Variants in FYCO1 observed in about 807,000 individuals in gnomAD.
FYCO1 encodes the protein FYVE and coiled-coil domain autophagy adaptor 1, also known as FYVE and coiled-coil domain-containing protein 1.
In FYCO1, 122 loss-of-function variants were observed where a neutral mutation model predicts 165.1. The observed-to-expected ratio is 0.74, with a 90% confidence interval of 0.64 to 0.86. The LOEUF (loss-of-function observed/expected upper bound fraction) is 0.86, where lower values mean the gene tolerates loss of function less well. Among genes scored for constraint, FYCO1 ranks in the 40% least tolerant of loss-of-function variants. The pLI is 0.00. For missense variants in FYCO1, 1,702 were observed against 1,810.3 expected, an observed-to-expected ratio of 0.94 and a Z score of 1.09; for synonymous variants, 648 against 742.5, an observed-to-expected ratio of 0.87 and a Z score of 2.07.
Position 45,958,485 on chromosome 3 carries a change from C to G in FYCO1, c.3722G>C (p.Gly1241Ala). Residue 1241 changes from glycine (G) to alanine (A), a missense_variant, in exon 13 of 18, where the codon GGC becomes GCC. Transcript: ENST00000296137. ...SEGPGSPDSS[G>A]SGTSQGEPSP... is the part of the protein sequence containing the mutation. ...GGGCTCTCCCTGGCTAGTGCCTGAG[C>G]CACTGCTATCAGGGGAGCCAGGGCC... 1 of 1,613,982 alleles carries G rather than the reference C, an allele frequency of 6.2e-7. No individual in the cohort carries two copies. The highest frequency in any genetic ancestry group is 8.5e-7 in the Non-Finnish European group (1 of 1,180,030).
Position 45,921,802 on chromosome 3 carries a change from T to A in FYCO1, c.4400A>T (p.Asp1467Val). The A allele has an allele frequency of 6.2e-7, 1 of 1,613,174 alleles. No homozygotes were observed. The highest frequency in any genetic ancestry group is 8.5e-7 in the Non-Finnish European group (1 of 1,179,124). Residue 1467 changes from aspartate (D) to valine (V), a missense_variant, in exon 18 of 18, where the codon GAT (aspartate) becomes GTT (valine). Asp to Val is a radical substitution (Grantham distance 152, BLOSUM62 -3). Coordinates refer to ENST00000296137, the MANE Select transcript of FYCO1 (RefSeq NM_024513.4). ...SKKVFYHLTV[D>V]RPVIYDGSDF... ...ACTTCCATCGTAGATCACAGGCCGA[T>A]CAACCGTCAAGTGATAAAATACCTT...
chr3:45,977,040 G>A (rs1706795367), intron 4 of FYCO1, among the ~76,000 whole-genome samples: 1 of 152,102 alleles, frequency 6.6e-6, no homozygotes, highest in African/African-American at 2.4e-5. Flanking sequence ...GGTATATCCT[G>A]TCTAAATCAG....
chr3:45,970,316 A>C lies in FYCO1; in HGVS notation c.540-551T>G, dbSNP rs1039701211. Among the ~76,000 whole-genome samples the C allele has an allele frequency of 7.9e-5, 12 of 152,364 alleles. No homozygotes were observed. In the East Asian group the frequency reaches 1.5e-3, roughly 20 times the overall value. On this transcript the variant is annotated intron_variant, in intron 6 of 17. Coordinates refer to ENST00000296137, the MANE Select transcript of FYCO1 (RefSeq NM_024513.4). ...CTCTCGTTTAGCAGGAACACTGGAA[A>C]CGAAACACATTTTTACTTCATCAGA...
In FYCO1 at chr3:45,967,182, G is replaced by A; in HGVS notation, c.2152C>T (p.Gln718Ter). The change falls in exon 8 of 18, where the codon CAG becomes TAG. Residue 718 changes from glutamine (Q) to a stop codon, truncating the protein, a stop_gained. Transcript: ENST00000296137. LOFTEE classifies it high-confidence loss of function. ...CGGGCTTCTGCCAGTTGCTGGCACT[G>A]CTCCACCTCCTCCCGCAGCTGCTGA... is the stretch of plus-strand genomic sequence containing the variant. ...ECQQLREEVE[Q>*]CQQLAEARHR... 6.2e-7 allele frequency: 1 copy of A among 1,613,752 alleles called. No individual in the cohort carries two copies.
chr3:45,965,292 T>G (rs1281655804), intron 8 of FYCO1, among the ~76,000 whole-genome samples, 167 bp from the exon 9 acceptor site: 1 of 152,258 alleles, frequency 6.6e-6, no homozygotes, highest in African/African-American at 2.4e-5. Context: ...CTTTCAAGCT[T>G]ACTAAGAAAA....
chr3:45,967,360 G>A lies in FYCO1; in HGVS notation c.1974C>T (p.Gly658=). 1 of 1,609,576 alleles carries A rather than the reference G, an allele frequency of 6.2e-7. No homozygotes were observed. The highest frequency in any genetic ancestry group is 8.5e-7 in the Non-Finnish European group (1 of 1,177,032). The change falls in exon 8 of 18, where the codon GGC becomes GGT. Residue 658 remains glycine (G), a synonymous_variant. Coordinates refer to ENST00000296137, the MANE Select transcript of FYCO1 (RefSeq NM_024513.4). ...GCTCGGCCTCCAGGGAGGCCAAGGA[G>A]CCCTGGATGGCTGATTCCCGCTGCT... ...ALQQRESAIQ[G]SLASLEAEQA... is the part of the protein sequence containing the mutation.
intron 14 of FYCO1, chr3:45,948,121 G>A (rs1411840722): frequency 1.2e-5 from 2 of 167,344 alleles, no homozygotes; most frequent in Admixed American, 6.5e-5. Context: ...AATTCCAGTG[G>A]TCCATGGAAT....
rs1703055799 is a variant in FYCO1, at chr3:45,920,556, A to T, written c.*1209T>A. The T allele has an allele frequency of 6.6e-6, 1 of 152,384 alleles. No homozygotes were observed. Among genetic ancestry groups the T allele is most frequent in the South Asian group, 2.1e-4 (1 of 4,786 alleles). 9.4% of individuals were successfully genotyped at this position (152,384 alleles called of 1,614,324 possible). ...TTGGGGAAGAAAAGGACCACAGAGA[A>T]CAGGGAAGATTAAATAATTCTTGTC... On this transcript the variant is annotated 3_prime_UTR_variant, in exon 18 of 18. Coordinates refer to ENST00000296137, the MANE Select transcript of FYCO1 (RefSeq NM_024513.4).
At chr3:45,928,985 AATC>A (rs1703460694) in intron 16 of FYCO1, among the ~76,000 whole-genome samples, 1 of 152,232 alleles carries the variant, frequency 6.6e-6, no homozygotes, top group African/African-American at 2.4e-5. Flanking sequence ...ATACCTCCGT[AATC>A]ATGAAGTCTG....
chr3:45,992,011 G>A (rs750765552), intron 1 of FYCO1, among the ~76,000 whole-genome samples: 1 of 152,204 alleles, frequency 6.6e-6, no homozygotes, highest in Non-Finnish European at 1.5e-5. Flanking sequence ...GCAAGAAGGC[G>A]GCTGTCTGAG....
intron 11 of FYCO1, among the ~76,000 whole-genome samples, chr3:45,961,877 C>A (rs143328612): frequency 2.5e-4 from 38 of 152,332 alleles, no homozygotes; most frequent in African/African-American, 8.7e-4. Context: ...AAAATCAGGA[C>A]ACTTCACATT....
Position 45,962,347 on chromosome 3 carries a change from A to G in FYCO1, c.3315T>C (p.Tyr1105=). 1 of 1,614,070 alleles carries G rather than the reference A, an allele frequency of 6.2e-7. No individual in the cohort carries two copies. Among genetic ancestry groups the G allele is most frequent in the Non-Finnish European group, 8.5e-7 (1 of 1,180,016 alleles). The change falls in exon 11 of 18, where the codon TAT becomes TAC. Residue 1105 remains tyrosine, a synonymous_variant. Coordinates refer to ENST00000296137, the MANE Select transcript of FYCO1 (RefSeq NM_024513.4). The surrounding 1 kb of genome is among the most constrained non-coding windows in gnomAD (Gnocchi z 4.4). ...LEKATTKIQE[Y]YNKLCQEVTN... ...TCACCTCCTGGCAGAGTTTGTTGTA[A>G]TACTCTTGGATTTTTGTTGTGGCTT... is the stretch of plus-strand genomic sequence containing the variant.
At chr3:45,960,366 G>T (rs1182276405) in intron 11 of FYCO1, among the ~76,000 whole-genome samples, 1 of 152,184 alleles carries the variant, frequency 6.6e-6, no homozygotes, top group Admixed American at 6.5e-5. Context: ...CACTGACCAG[G>T]AACTCCCAAT....
chr3:45,936,900 G>C (rs963479175), intron 14 of FYCO1, among the ~76,000 whole-genome samples: 1 of 152,186 alleles, frequency 6.6e-6, no homozygotes, highest in African/African-American at 2.4e-5. Context: ...GCACCACTGG[G>C]TCCTGCCTTC....
intron 16 of FYCO1, among the ~76,000 whole-genome samples, chr3:45,924,281 C>T (rs1480127319): frequency 1.3e-5 from 2 of 152,210 alleles, no homozygotes; most frequent in Non-Finnish European, 2.9e-5. Context: ...TGTGCTTTGG[C>T]TGGTCCATGT....
In FYCO1 at chr3:45,967,116, G is replaced by T. The variant is rs1009725939; in HGVS notation, c.2218C>A (p.Gln740Lys). 3 of 1,613,918 alleles carry T rather than the reference G, an allele frequency of 1.9e-6. No individual in the cohort carries two copies. The highest frequency in any genetic ancestry group is 2.5e-6 in the Non-Finnish European group (3 of 1,179,934). Reference sequence around the variant, plus strand: ...GTGAGGACCTCAATCAGCTGGGTCTGCTGCTGGCACTGGCTCTCGAGAGCC... The same window carrying T: ...GTGAGGACCTCAATCAGCTGGGTCTTCTGCTGGCACTGGCTCTCGAGAGCC... ...LRALESQCQQQTQLIEVLTAE... is the reference protein window; with the variant it reads ...LRALESQCQQKTQLIEVLTAE... The change falls in exon 8 of 18, where the codon CAG becomes AAG. Residue 740 changes from glutamine to lysine, a missense_variant. Physicochemically the swap from Gln to Lys is moderately conservative, Grantham distance 53 (BLOSUM62 1). Transcript: ENST00000296137.
In FYCO1 at chr3:45,962,168, T is replaced by A. The variant is rs904643676; in HGVS notation, c.3437+57A>T. On this transcript the variant is annotated intron_variant, in intron 11 of 17. Coordinates refer to ENST00000296137, the MANE Select transcript of FYCO1 (RefSeq NM_024513.4). The surrounding 1 kb of genome is among the most constrained non-coding windows in gnomAD (Gnocchi z 4.4). ...GCTTTCAAGAACAGCTGCATTTCTT[T>A]AGAGAAAAACCCCAGTGTGGGGAAA... The A allele has an allele frequency of 5.1e-6, 8 of 1,575,788 alleles. No homozygotes were observed. The African/African-American group carries it at 6.7e-5, about 13-fold the overall frequency.
chr3:45,961,406 T>C (rs1705690585), intron 11 of FYCO1, among the ~76,000 whole-genome samples: 1 of 152,022 alleles, frequency 6.6e-6, no homozygotes, highest in African/African-American at 2.4e-5. Context: ...TGGTGAAGCC[T>C]ATTTCTACTA....
rs1706247881 is a variant in FYCO1 at position 45,968,607 on chromosome 3, C to G, written c.727G>C (p.Glu243Gln). 2 of 1,613,946 alleles carry G rather than the reference C, an allele frequency of 1.2e-6. No homozygotes were observed. The highest frequency in any genetic ancestry group is 2.7e-5 in the African/African-American group (2 of 74,916). Residue 243 changes from glutamate to glutamine, a missense_variant, in exon 8 of 18, where the codon GAG becomes CAG. By Grantham distance (29) the Glu-to-Gln change is conservative. Coordinates refer to ENST00000296137, the MANE Select transcript of FYCO1 (RefSeq NM_024513.4). The part of the protein sequence containing the change: ...DEMRLELDQL[E>Q]VREKQLRERM... ...TCCCGTAGCTGCTTCTCCCGCACCT[C>G]CAACTGGTCCAGCTCTAGTCGCATC...
Sources: gnomAD v4.1 joint callset for allele counts (sites outside exome capture counted in the v4.1 genomes callset) on GRCh38, gnomAD v4.1.1 for gene constraint, Gnocchi (gnomAD v3.1) non-coding constraint, MANE v1.5 for transcripts, NCBI Gene and HGNC (gene_info 2026-07-23, HGNC 2026-07-21) for gene names.